Variants in CNBD1 observed in about 807,000 individuals in gnomAD.
CNBD1 encodes the protein cyclic nucleotide binding domain containing 1, also known as cyclic nucleotide-binding domain-containing protein 1.
CNBD1 carries 71 observed loss-of-function variants against 54.4 expected under a neutral mutation model. That is an observed-to-expected ratio of 1.30 (90% CI 1.08 to 1.59). The LOEUF (loss-of-function observed/expected upper bound fraction) is 1.59. CNBD1 is among the 40% of genes most tolerant of loss of function. The probability of loss-of-function intolerance (pLI) is 0.00; values close to 1 mark genes in which losing one functional copy is unlikely to be tolerated. For missense variants in CNBD1, 659 were observed against 518.0 expected, an observed-to-expected ratio of 1.27 and a Z score of -2.64; for synonymous variants, 182 against 170.7, an observed-to-expected ratio of 1.07 and a Z score of -0.51.
chr8:87,122,435 A>G (rs1811908742), intron 4 of CNBD1, among the ~76,000 whole-genome samples: 1 of 151,806 alleles, frequency 6.6e-6, no homozygotes, highest in Non-Finnish European at 1.5e-5. Context: ...CATACTTTGG[A>G]TATTAACTTA....
chr8:87,191,726 T>C (rs1352177004), intron 4 of CNBD1, among the ~76,000 whole-genome samples: 1 of 152,108 alleles, frequency 6.6e-6, no homozygotes, highest in African/African-American at 2.4e-5. Context: ...TGTGCTAGTG[T>C]AGAAATGCCT....
chr8:87,180,361 A>G (rs1455123698), intron 4 of CNBD1, among the ~76,000 whole-genome samples: 1 of 152,142 alleles, frequency 6.6e-6, no homozygotes, highest in African/African-American at 2.4e-5. Context: ...CTCAATTATG[A>G]CTTTGTATCA....
intron 4 of CNBD1, among the ~76,000 whole-genome samples, chr8:87,093,267 C>T (rs1052698003): frequency 6.6e-5 from 10 of 151,996 alleles, no homozygotes; most frequent in African/African-American, 2.4e-4. Flanking sequence ...TGTGCGGCAA[C>T]GGACAGATGA....
intron 2 of CNBD1, among the ~76,000 whole-genome samples, chr8:87,413,539 A>G (rs1807783681): frequency 6.6e-6 from 1 of 152,040 alleles, no homozygotes; most frequent in Non-Finnish European, 1.5e-5. Flanking sequence ...AGTGTTCCAA[A>G]TTCTTCTTTT....
At chr8:87,368,677 A>G (rs1403668678) in intron 10 of CNBD1, among the ~76,000 whole-genome samples, 1 of 151,908 alleles carries the variant, frequency 6.6e-6, no homozygotes, top group Non-Finnish European at 1.5e-5. Flanking sequence ...ACAGAGAGAG[A>G]AAGAGAAAGA....
At chr8:87,300,844 C>T (rs958807461) in intron 8 of CNBD1, among the ~76,000 whole-genome samples, 1 of 151,728 alleles carries the variant, frequency 6.6e-6, no homozygotes, top group African/African-American at 2.4e-5. Flanking sequence ...TAAAGAGGGA[C>T]AACAAATAAA....
At chr8:87,180,643 A>G (rs910965686) in intron 4 of CNBD1, among the ~76,000 whole-genome samples, 1 of 152,192 alleles carries the variant, frequency 6.6e-6, no homozygotes, top group African/African-American at 2.4e-5. Flanking sequence ...TTAATCACAT[A>G]TTTGATAATG....
chr8:86,915,655 G>C (rs1586131953), intron 3 of CNBD1, among the ~76,000 whole-genome samples: 2 of 152,306 alleles, frequency 1.3e-5, no homozygotes, highest in South Asian at 4.1e-4. Context: ...GTTTCATAAT[G>C]ATATATTCAT....
intron 4 of CNBD1, among the ~76,000 whole-genome samples, chr8:87,152,977 A>G (rs1213891811): frequency 6.6e-6 from 1 of 152,162 alleles, no homozygotes; most frequent in Admixed American, 6.5e-5. Context: ...CAAGGAAAAT[A>G]ATTATATTAG....
chr8:87,227,707 C>G (rs1222410826), intron 5 of CNBD1, among the ~76,000 whole-genome samples: 1 of 148,178 alleles, frequency 6.7e-6, no homozygotes. Flanking sequence ...GTGAATCTGA[C>G]AATGATGTGT....
intron 4 of CNBD1, among the ~76,000 whole-genome samples, chr8:86,997,617 C>G (rs1393560365): frequency 6.6e-6 from 1 of 152,150 alleles, no homozygotes; most frequent in Non-Finnish European, 1.5e-5. Flanking sequence ...CATTCACTGA[C>G]TTGATTACCT....
intron 4 of CNBD1, among the ~76,000 whole-genome samples, chr8:87,041,784 G>T (rs1468122594): frequency 6.6e-6 from 1 of 152,128 alleles, no homozygotes; most frequent in Non-Finnish European, 1.5e-5. Flanking sequence ...GAGCGACAGA[G>T]CAAGACTCCG....
intron 6 of CNBD1, among the ~76,000 whole-genome samples, chr8:87,262,118 C>T (rs1170845077): frequency 6.6e-6 from 1 of 152,154 alleles, no homozygotes; most frequent in African/African-American, 2.4e-5. Flanking sequence ...CATGCCACTG[C>T]ATTCCAGCCT....
intron 4 of CNBD1, among the ~76,000 whole-genome samples, chr8:87,128,942 C>G (rs1189723279): frequency 6.7e-6 from 1 of 148,554 alleles, no homozygotes; most frequent in South Asian, 2.1e-4. Flanking sequence ...AAAAAATTAG[C>G]CGGGATTGGT....
intron 1 of CNBD1, among the ~76,000 whole-genome samples, chr8:86,874,579 A>G (rs1183930750): frequency 4.6e-5 from 7 of 152,162 alleles, no homozygotes; most frequent in Admixed American, 1.3e-4. Flanking sequence ...TCCATTTCTC[A>G]TGAAATATTA....
intron 8 of CNBD1, among the ~76,000 whole-genome samples, chr8:87,329,648 A>G (rs1809774032): frequency 6.6e-6 from 1 of 152,076 alleles, no homozygotes; most frequent in Non-Finnish European, 1.5e-5. Context: ...ATTGATGGGA[A>G]GTGCTAATTT....
intron 5 of CNBD1, among the ~76,000 whole-genome samples, chr8:87,236,307 A>T (rs1271851958): frequency 6.6e-6 from 1 of 152,080 alleles, no homozygotes; most frequent in Non-Finnish European, 1.5e-5. Flanking sequence ...TGTCTTTCAG[A>T]TGTACAGGCA....
At chr8:87,393,207 G>A (rs1563585009) in intron 2 of CNBD1, among the ~76,000 whole-genome samples, 1 of 151,752 alleles carries the variant, frequency 6.6e-6, no homozygotes, top group Admixed American at 6.6e-5. Context: ...CAGTGAGCAG[G>A]GAGGCAGTAG....
chr8:87,167,783 G>T (rs1013572651), intron 4 of CNBD1, among the ~76,000 whole-genome samples: 19 of 151,942 alleles, frequency 1.3e-4, no homozygotes, highest in African/African-American at 4.6e-4. Flanking sequence ...AGTAAATATA[G>T]TCATGTGTCA....
Sources: gnomAD v4.1 joint callset for allele counts (sites outside exome capture counted in the v4.1 genomes callset) on GRCh38, gnomAD v4.1.1 for gene constraint, MANE v1.5 for transcripts, NCBI Gene and HGNC (gene_info 2026-07-23, HGNC 2026-07-21) for gene names.